The following TECR variants were observed in gnomAD, a reference collection of about 807,000 sequenced individuals.
TECR encodes very-long-chain enoyl-CoA reductase.
Under a neutral mutation model 50.6 loss-of-function variants are expected in TECR, and 19 were observed. The ratio of observed to expected loss-of-function variants is 0.38; its 90% CI spans 0.26 to 0.55. The LOEUF (loss-of-function observed/expected upper bound fraction) is 0.55, where lower values mean the gene tolerates loss of function less well. TECR is among the 20% of genes least tolerant of loss of function. The pLI, the probability that TECR is intolerant of heterozygous loss-of-function variation, is 0.79. For missense variants in TECR, 313 were observed against 408.3 expected, an observed-to-expected ratio of 0.77 and a Z score of 2.01; for synonymous variants, 168 against 163.5, an observed-to-expected ratio of 1.03 and a Z score of -0.21.
chr19:14,547,799 A>G (rs960839370), intron 1 of TECR, among the ~76,000 whole-genome samples: 2 of 151,624 alleles, frequency 1.3e-5, no homozygotes, highest in African/African-American at 4.8e-5. Context: ...TGCTAGGACT[A>G]CAGGTGCATA....
At chr19:14,554,990 G>C (rs1034544700) in intron 1 of TECR, among the ~76,000 whole-genome samples, 15 of 151,558 alleles carry the variant, frequency 9.9e-5, no homozygotes, top group Admixed American at 5.3e-4. Flanking sequence ...TGTTAGCCTG[G>C]CTGGTCTTGA....
intron 1 of TECR, among the ~76,000 whole-genome samples, chr19:14,549,465 C>T (rs1270754471): frequency 6.6e-6 from 1 of 151,910 alleles, no homozygotes; most frequent in Non-Finnish European, 1.5e-5. Context: ...TGTGATCTGC[C>T]CTCCTTGGCC....
At chr19:14,531,841 G>GATT in intron 1 of TECR, 1 of 151,944 alleles carries the variant, frequency 6.6e-6, no homozygotes, top group East Asian at 1.9e-4. Flanking sequence ...TTCTGATGTG[G>GATT]ATTCCCCTCT....
At position 14,558,402 on chromosome 19, in the gene TECR, C is replaced by T. The variant is rs539082047; in HGVS notation, c.16-4123C>T. 6.6e-5 allele frequency among the ~76,000 whole-genome samples: 10 copies of T among 152,314 alleles called. No homozygotes were observed. The East Asian group carries it at 1.9e-3, about 29-fold the overall frequency. ...TGGGCTTGGGAGGCACAAACCTCGC[C>T]CCTGCTCCCTCTTGCAGGGTGCGCT... On this transcript the variant is annotated intron_variant, in intron 1 of 12. Coordinates refer to ENST00000215567, the MANE Select transcript of TECR (RefSeq NM_138501.6).
At chr19:14,546,807 A>G (rs1276012977) in intron 1 of TECR, among the ~76,000 whole-genome samples, 1 of 151,988 alleles carries the variant, frequency 6.6e-6, no homozygotes, top group African/African-American at 2.4e-5. Context: ...CTCCCACCTT[A>G]GCCTCCCAGG....
chr19:14,528,692 C>A (rs1439492604), upstream of TECR, among the ~76,000 whole-genome samples: 1 of 151,956 alleles, frequency 6.6e-6, no homozygotes, highest in East Asian at 1.9e-4. Context: ...GTAATCCTAG[C>A]ACTTTGGGAG....
chr19:14,535,093 C>G (rs1296794768), intron 1 of TECR, among the ~76,000 whole-genome samples: 1 of 152,094 alleles, frequency 6.6e-6, no homozygotes, highest in Non-Finnish European at 1.5e-5. Context: ...TGAGCCTTGC[C>G]TGGGTGCAGT....
intron 1 of TECR, among the ~76,000 whole-genome samples, chr19:14,543,436 T>A (rs1388099871): frequency 0.065 from 2,622 of 40,232 alleles, 119 homozygotes; most frequent in Non-Finnish European, 0.11. Context: ...TTTTTTTTTT[T>A]TTTTTTTTTT....
intron 1 of TECR, among the ~76,000 whole-genome samples, chr19:14,555,438 C>CTTTTTTTTTT (rs747503834): frequency 5.4e-5 from 5 of 92,882 alleles, no homozygotes; most frequent in African/African-American, 2.3e-4. Context: ...TTTATTTATT[C>CTTTTTTTTTT]TTTTTTTTTT....
intron 1 of TECR, among the ~76,000 whole-genome samples, chr19:14,554,291 C>T (rs1480720100): frequency 6.6e-6 from 1 of 152,184 alleles, no homozygotes; most frequent in Non-Finnish European, 1.5e-5. Context: ...TCGCTGTTCT[C>T]ACTCATCACC....
At chr19:14,544,989 C>A in intron 1 of TECR, 2 of 409,282 alleles carry the variant, frequency 4.9e-6, no homozygotes, top group South Asian at 1.7e-5. Flanking sequence ...GTGTCCTTTT[C>A]ACTCCTTCCC....
chr19:14,565,373 T>A, intron 11 of TECR, 83 bp downstream of exon 11: 2 of 1,548,012 alleles, frequency 1.3e-6, no homozygotes, highest in Non-Finnish European at 8.9e-7. Flanking sequence ...GGCGCCTGGC[T>A]GGGCAGCTGC....
intron 1 of TECR, among the ~76,000 whole-genome samples, chr19:14,537,899 C>G (rs527821894): frequency 4.7e-4 from 72 of 152,202 alleles, no homozygotes; most frequent in African/African-American, 1.2e-3. Flanking sequence ...GTGCCCACCA[C>G]CACACTTGGC....
At chr19:14,556,082 G>A (rs748013489) in intron 1 of TECR, among the ~76,000 whole-genome samples, 23 of 151,982 alleles carry the variant, frequency 1.5e-4, no homozygotes, top group East Asian at 3.9e-4. Flanking sequence ...CGTCCTCCCC[G>A]TGGCCCACAA....
rs1430265505 is a variant in TECR at position 14,530,036 on chromosome 19, G to C, written c.15+325G>C. The C allele has an allele frequency of 1.5e-5, 7 of 478,242 alleles. No individual in the cohort carries two copies. The South Asian group carries it at 1.5e-4, about 10-fold the overall frequency. 29.6% of individuals were successfully genotyped at this position (478,242 alleles called of 1,614,324 possible). A position where few individuals can be genotyped will look rare whatever the true frequency, so the allele number is the denominator to read the frequency against. On this transcript the variant is annotated intron_variant, in intron 1 of 12. Transcript: ENST00000215567. ...TTTGTCATGGGAGCCACGAAGGTGC[G>C]GGACCCTTGCTCCCAATCCGAGGGA...
chr19:14,560,836 A>C (rs533476019), intron 1 of TECR, among the ~76,000 whole-genome samples: 8 of 152,180 alleles, frequency 5.3e-5, no homozygotes, highest in African/African-American at 1.9e-4. Flanking sequence ...GGGGATCTGA[A>C]CCAAACCCAC....
chr19:14,564,697 T>C, intron 7 of TECR, 89 bp from the exon 8 acceptor site: 7 of 937,944 alleles, frequency 7.5e-6, no homozygotes, highest in Non-Finnish European at 1.1e-5. Context: ...TTTCCCACCA[T>C]GCTCCCAGGC....
At chr19:14,530,922 A>G (rs2072622915) in intron 1 of TECR, 1 of 152,200 alleles carries the variant, frequency 6.6e-6, no homozygotes. Context: ...TGTAGACGTT[A>G]AATACTAACT....
At chr19:14,557,593 A>G (rs1186674051) in intron 1 of TECR, among the ~76,000 whole-genome samples, 1 of 150,818 alleles carries the variant, frequency 6.6e-6, no homozygotes, top group Non-Finnish European at 1.5e-5. Flanking sequence ...CTGGGATTAC[A>G]GGCATGCACC....
Sources: gnomAD v4.1 joint callset for allele counts (sites outside exome capture counted in the v4.1 genomes callset) on GRCh38, gnomAD v4.1.1 for gene constraint, MANE v1.5 for transcripts, NCBI Gene and HGNC (gene_info 2026-07-23, HGNC 2026-07-21) for gene names.